Variants in PDGFRL observed in about 807,000 individuals in gnomAD.
PDGFRL encodes platelet derived growth factor receptor like, also known as platelet-derived growth factor receptor-like protein.
PDGFRL carries 46 observed loss-of-function variants against 37.2 expected under a neutral mutation model. That is an observed-to-expected ratio of 1.24 (90% CI 0.98 to 1.58). PDGFRL has a LOEUF of 1.58. PDGFRL is among the 40% of genes most tolerant of loss of function. The pLI is 0.00. For synonymous variants in PDGFRL, 251 were observed against 184.3 expected (o/e 1.36, Z -2.93); for missense variants, 692 against 467.6 (o/e 1.48, Z -4.43).
intron 5 of PDGFRL, among the ~76,000 whole-genome samples, chr8:17,637,838 T>C (rs1444894697): frequency 6.6e-6 from 1 of 152,208 alleles, no homozygotes; most frequent in Admixed American, 6.5e-5. Flanking sequence ...TCTTCTAGGT[T>C]TTCTAGCTTG....
chr8:17,585,780 T>G (rs1380198218), intron 1 of PDGFRL, among the ~76,000 whole-genome samples: 1 of 152,196 alleles, frequency 6.6e-6, no homozygotes, highest in South Asian at 2.1e-4. Flanking sequence ...ATGAATTTAT[T>G]TTCTCCTCCA....
chr8:17,577,277 C>T lies in PDGFRL; in HGVS notation c.25C>T (p.Leu9Phe), dbSNP rs1249514739. MKVWLLLG[L>F]LLVHEALEDV... ...GATGAAGGTCTGGCTGCTGCTTGGT[C>T]TTCTGCTGGTGCACGAAGCGCTGGA... The change falls in exon 1 of 6, where the codon CTT becomes TTT. Residue 9 changes from leucine to phenylalanine, a missense_variant. Physicochemically the swap from Leu to Phe is conservative, Grantham distance 22. Transcript: ENST00000251630. 15 of 1,613,146 alleles carry T rather than the reference C, an allele frequency of 9.3e-6. No homozygotes were observed. Among genetic ancestry groups the T allele is most frequent in the Non-Finnish European group, 1.2e-5 (14 of 1,179,694 alleles).
chr8:17,631,279 T>C (rs1781575559), intron 4 of PDGFRL, among the ~76,000 whole-genome samples: 1 of 152,126 alleles, frequency 6.6e-6, no homozygotes, highest in South Asian at 2.1e-4. Flanking sequence ...CAAAGGTGAC[T>C]TTAGTCTCTC....
chr8:17,588,681 A>T (rs537565133), intron 1 of PDGFRL, among the ~76,000 whole-genome samples: 1 of 152,238 alleles, frequency 6.6e-6, no homozygotes, highest in African/African-American at 2.4e-5. Flanking sequence ...TCTAACGTTA[A>T]ACACAAAATA....
At chr8:17,637,086 T>C (rs11203876) in intron 5 of PDGFRL, among the ~76,000 whole-genome samples, 119,770 of 152,020 alleles carry the variant, frequency 0.79, 48,984 homozygotes, top group Non-Finnish European at 0.91. Flanking sequence ...TTCGCTTTAT[T>C]GATTTGGATG....
At chr8:17,615,812 G>C (rs772913333) in intron 2 of PDGFRL, among the ~76,000 whole-genome samples, 2 of 152,216 alleles carry the variant, frequency 1.3e-5, no homozygotes, top group African/African-American at 2.4e-5. Flanking sequence ...AGGAGGCCAA[G>C]GTGGGAGGAT....
intron 2 of PDGFRL, among the ~76,000 whole-genome samples, chr8:17,605,750 C>T (rs1222067339): frequency 6.6e-6 from 1 of 152,198 alleles, no homozygotes; most frequent in Non-Finnish European, 1.5e-5. Flanking sequence ...AAATAAGAGT[C>T]CAGGCATTGT....
At chr8:17,623,474 G>C (rs1804671797) in intron 3 of PDGFRL, among the ~76,000 whole-genome samples, 1 of 152,216 alleles carries the variant, frequency 6.6e-6, no homozygotes, top group South Asian at 2.1e-4. Flanking sequence ...CACATTTCAA[G>C]TTGCAGAAGG....
At chr8:17,595,203 C>T (rs571915355) in intron 2 of PDGFRL, among the ~76,000 whole-genome samples, 45 of 152,268 alleles carry the variant, frequency 3.0e-4, no homozygotes, top group Admixed American at 1.6e-3. Flanking sequence ...CCAGGGACTC[C>T]GCCCTCCACT....
chr8:17,616,835 T>C (rs1804539842), intron 2 of PDGFRL, among the ~76,000 whole-genome samples: 1 of 152,150 alleles, frequency 6.6e-6, no homozygotes, highest in Non-Finnish European at 1.5e-5. Flanking sequence ...ATAATACCAA[T>C]GAATCATTAT....
At chr8:17,591,979 G>A (rs894465379) in intron 2 of PDGFRL, among the ~76,000 whole-genome samples, 1 of 152,084 alleles carries the variant, frequency 6.6e-6, no homozygotes, top group Non-Finnish European at 1.5e-5. Flanking sequence ...TGTTCACAAC[G>A]ATTTATATTT....
chr8:17,641,896 T>TCCCCCC (rs144394170), intron 5 of PDGFRL, among the ~76,000 whole-genome samples: 1 of 103,888 alleles, frequency 9.6e-6, no homozygotes, highest in Non-Finnish European at 1.8e-5. Flanking sequence ...TCAATAGAGG[T>TCCCCCC]CCCCGCCACA....
At chr8:17,576,985 T>C (rs1179799786), upstream of PDGFRL, among the ~76,000 whole-genome samples, 1 of 150,924 alleles carries the variant, frequency 6.6e-6, no homozygotes, top group Non-Finnish European at 1.5e-5. Flanking sequence ...TGTTGTAATG[T>C]ACATTTCACG....
chr8:17,622,883 G>A (rs1258055138), intron 3 of PDGFRL, among the ~76,000 whole-genome samples: 1 of 152,068 alleles, frequency 6.6e-6, no homozygotes, highest in Non-Finnish European at 1.5e-5. Flanking sequence ...CTTAATCTGA[G>A]TCACTCCACG....
rs180846998 is a variant in PDGFRL, at chr8:17,614,868, C to T, written c.354-6183C>T. Among the ~76,000 whole-genome samples the T allele has an allele frequency of 1.4e-3, 210 of 152,290 alleles. 1 individual carries two copies. The highest frequency in any genetic ancestry group is 4.9e-3 in the African/African-American group (202 of 41,572). The stretch of plus-strand genomic sequence containing the variant: ...CCCTGGGAAAGTTGTTTGAACTGAG[C>T]TTCAAATTCTTCTCTGGCAGCTCCA... On this transcript the variant is annotated intron_variant, in intron 2 of 5. Coordinates refer to ENST00000251630, the MANE Select transcript of PDGFRL (RefSeq NM_001372073.1).
chr8:17,600,954 C>CCT (rs2150821098), intron 2 of PDGFRL, among the ~76,000 whole-genome samples: 1 of 152,202 alleles, frequency 6.6e-6, no homozygotes, highest in East Asian at 1.9e-4. Context: ...TGCTCTCCAG[C>CCT]CTGGGAGACA....
At chr8:17,582,890 G>A (rs1161636090) in intron 1 of PDGFRL, among the ~76,000 whole-genome samples, 3 of 152,066 alleles carry the variant, frequency 2.0e-5, no homozygotes, top group African/African-American at 7.3e-5. Flanking sequence ...TTGGGGGGCA[G>A]GCCCTGCTGC....
At position 17,617,383 on chromosome 8, in the gene PDGFRL, C is replaced by T. The variant is rs74915751; in HGVS notation, c.354-3668C>T. 5.5e-3 allele frequency among the ~76,000 whole-genome samples: 832 copies of T among 152,270 alleles called. 4 individuals are homozygous for T. The highest frequency in any genetic ancestry group is 9.0e-3 in the Non-Finnish European group (615 of 68,020). On this transcript the variant is annotated intron_variant, in intron 2 of 5. Coordinates refer to ENST00000251630, the MANE Select transcript of PDGFRL (RefSeq NM_001372073.1). ...TTAAACTCCCCATTCGCCACTTTCT[C>T]CATCCCTGGGGATGGTGTTCAGCGG...
intron 1 of PDGFRL, among the ~76,000 whole-genome samples, chr8:17,584,319 C>T (rs965270708): frequency 2.0e-5 from 3 of 152,120 alleles, no homozygotes; most frequent in African/African-American, 7.2e-5. Flanking sequence ...TTTGGAGATG[C>T]TAACTTTGAC....
Sources: gnomAD v4.1 joint callset for allele counts (sites outside exome capture counted in the v4.1 genomes callset) on GRCh38, gnomAD v4.1.1 for gene constraint, MANE v1.5 for transcripts, NCBI Gene and HGNC (gene_info 2026-07-23, HGNC 2026-07-21) for gene names.